GRID2: variants seen among roughly 807,000 people sequenced by gnomAD.
GRID2 encodes glutamate ionotropic receptor delta type subunit 2.
In GRID2, 33 loss-of-function variants were observed where a neutral mutation model predicts 114.8. The ratio of observed to expected loss-of-function variants is 0.29; its 90% CI spans 0.22 to 0.38. The LOEUF (loss-of-function observed/expected upper bound fraction) is 0.38. Ranked by LOEUF, GRID2 falls within the 10% of genes least tolerant of loss-of-function variation. The probability of loss-of-function intolerance (pLI) is 1.00; values close to 1 mark genes in which losing one functional copy is unlikely to be tolerated. For synonymous variants in GRID2, 505 were observed against 449.9 expected (o/e 1.12, Z -1.55); for missense variants, 1,184 against 1,257.7 (o/e 0.94, Z 0.89).
intron 2 of GRID2, among the ~76,000 whole-genome samples, chr4:92,774,257 A>C (rs1738680042): frequency 6.6e-6 from 1 of 152,108 alleles, no homozygotes; most frequent in South Asian, 2.1e-4. Context: ...GAGGGAGAGC[A>C]TTCCAAGGAA....
chr4:92,306,310 T>G (rs562400828), intron 1 of GRID2, among the ~76,000 whole-genome samples: 34 of 152,372 alleles, frequency 2.2e-4, no homozygotes, highest in African/African-American at 7.5e-4. Context: ...CAAGCACTAA[T>G]AGCTTGCCTG....
intron 2 of GRID2, among the ~76,000 whole-genome samples, chr4:92,914,457 G>T (rs533433296): frequency 5.7e-4 from 87 of 152,166 alleles, no homozygotes; most frequent in Admixed American, 2.8e-3. Context: ...GTAAGTGCAG[G>T]TTTGTTACAT....
intron 14 of GRID2, among the ~76,000 whole-genome samples, chr4:93,662,100 C>T (rs949644008): frequency 1.3e-5 from 2 of 152,162 alleles, no homozygotes; most frequent in African/African-American, 4.8e-5. Context: ...GCCTCAAGAC[C>T]GCCTTACTTA....
At chr4:92,443,140 T>C (rs1733211804) in intron 1 of GRID2, among the ~76,000 whole-genome samples, 1 of 152,018 alleles carries the variant, frequency 6.6e-6, no homozygotes, top group South Asian at 2.1e-4. Flanking sequence ...TGGGACGAGT[T>C]GCACTGGGCA....
At position 93,773,829 on chromosome 4, in the gene GRID2, G is replaced by T. The variant is rs1328455573; in HGVS notation, c.*1331G>T. 1 of 152,044 alleles carries T rather than the reference G, an allele frequency of 6.6e-6. No individual in the cohort carries two copies. Among genetic ancestry groups the T allele is most frequent in the Admixed American group, 6.6e-5 (1 of 15,260 alleles). The allele number at this position is 152,044 out of a possible 1,614,324, so 9.4% of individuals were successfully genotyped here. ...CTTTTTTATTTAGTTCTATTTGGAG[G>T]AGTTATGTATTTTTTACATTAGTGC... On this transcript the variant is annotated 3_prime_UTR_variant, in exon 16 of 16. Coordinates refer to ENST00000282020, the MANE Select transcript of GRID2 (RefSeq NM_001510.4).
intron 2 of GRID2, among the ~76,000 whole-genome samples, chr4:92,648,730 C>T (rs75993660): frequency 6.7e-6 from 1 of 148,834 alleles, no homozygotes; most frequent in African/African-American, 2.5e-5. Context: ...TATACCACAA[C>T]CATTTTAGTA....
chr4:93,081,651 A>G (rs1052349463), intron 2 of GRID2, among the ~76,000 whole-genome samples: 2 of 152,188 alleles, frequency 1.3e-5, no homozygotes, highest in Admixed American at 6.5e-5. Context: ...GTTTACGTAT[A>G]TGTGCATATA....
intron 8 of GRID2, among the ~76,000 whole-genome samples, chr4:93,269,960 C>T (rs1751257272): frequency 6.6e-6 from 1 of 152,046 alleles, no homozygotes; most frequent in Non-Finnish European, 1.5e-5. Flanking sequence ...CCATAATCAT[C>T]TCCTGTTAAA....
chr4:93,654,412 G>A (rs1159658431), intron 14 of GRID2, among the ~76,000 whole-genome samples: 1 of 152,128 alleles, frequency 6.6e-6, no homozygotes, highest in Non-Finnish European at 1.5e-5. Flanking sequence ...TGACTGCTCA[G>A]CTAAAACTTC....
intron 9 of GRID2, among the ~76,000 whole-genome samples, chr4:93,397,934 C>T (rs1377143844): frequency 6.6e-6 from 1 of 151,106 alleles, no homozygotes; most frequent in Non-Finnish European, 1.5e-5. Context: ...TTTGTTGAAT[C>T]TATGGAGTTG....
chr4:93,107,819 C>T (rs1579008391), intron 3 of GRID2, among the ~76,000 whole-genome samples: 1 of 152,104 alleles, frequency 6.6e-6, no homozygotes, highest in South Asian at 2.1e-4. Flanking sequence ...CAATCAAACA[C>T]GTCACTTCCA....
At chr4:92,405,882 G>T (rs933334112) in intron 1 of GRID2, among the ~76,000 whole-genome samples, 2 of 152,052 alleles carry the variant, frequency 1.3e-5, no homozygotes, top group Non-Finnish European at 2.9e-5. Flanking sequence ...ATATAAAGGG[G>T]AGTTTATTAA....
At chr4:93,015,363 A>C (rs1019397271) in intron 2 of GRID2, among the ~76,000 whole-genome samples, 3 of 152,204 alleles carry the variant, frequency 2.0e-5, no homozygotes, top group Admixed American at 6.6e-5. Flanking sequence ...AATGAAGAGC[A>C]CAGATGCTGG....
chr4:92,875,607 A>T (rs913527915), intron 2 of GRID2, among the ~76,000 whole-genome samples: 1 of 152,178 alleles, frequency 6.6e-6, no homozygotes, highest in Non-Finnish European at 1.5e-5. Flanking sequence ...TTAGAATATT[A>T]TTTTGAAGAA....
chr4:93,374,627 C>T (rs577496180), intron 8 of GRID2, among the ~76,000 whole-genome samples: 2 of 152,190 alleles, frequency 1.3e-5, no homozygotes, highest in African/African-American at 4.8e-5. Context: ...CCCCATAGAG[C>T]TCTCCTCCAA....
intron 2 of GRID2, among the ~76,000 whole-genome samples, chr4:92,709,303 T>C (rs1735103747): frequency 6.6e-6 from 1 of 152,096 alleles, no homozygotes; most frequent in South Asian, 2.1e-4. Context: ...GAAAAAGTCA[T>C]CTATTTGTTA....
intron 1 of GRID2, among the ~76,000 whole-genome samples, chr4:92,461,066 A>G (rs1332616287): frequency 6.6e-6 from 1 of 151,448 alleles, no homozygotes; most frequent in Non-Finnish European, 1.5e-5. Context: ...AAAGTTTTAT[A>G]TAAATAGTAT....
At chr4:92,624,557 T>A (rs931944098) in intron 2 of GRID2, among the ~76,000 whole-genome samples, 8 of 151,846 alleles carry the variant, frequency 5.3e-5, no homozygotes, top group Non-Finnish European at 1.2e-4. Context: ...TTTTTCCAAA[T>A]TAGTTTTGAG....
At chr4:93,151,217 C>G (rs1365124462) in intron 4 of GRID2, among the ~76,000 whole-genome samples, 2 of 151,822 alleles carry the variant, frequency 1.3e-5, no homozygotes, top group African/African-American at 4.8e-5. Context: ...GTGTCACCAT[C>G]CCTTTCTTGG....
Sources: gnomAD v4.1 joint callset for allele counts (sites outside exome capture counted in the v4.1 genomes callset) on GRCh38, gnomAD v4.1.1 for gene constraint, MANE v1.5 for transcripts, NCBI Gene and HGNC (gene_info 2026-07-23, HGNC 2026-07-21) for gene names.